The following NRXN1 variants were observed in gnomAD, a reference collection of about 807,000 sequenced individuals.
The protein encoded by NRXN1 is neurexin 1.
Under a neutral mutation model 150.9 loss-of-function variants are expected in NRXN1, and 39 were observed. The ratio of observed to expected loss-of-function variants is 0.26; its 90% confidence interval spans 0.20 to 0.34. The LOEUF is 0.34. Among genes scored for constraint, NRXN1 ranks in the 10% least tolerant of loss-of-function variants. The pLI is 1.00. For missense variants in NRXN1, 1,815 were observed against 1,949.9 expected (o/e 0.93, Z 1.30); for synonymous variants, 924 against 757.0 (o/e 1.22, Z -3.62).
chr2:50,586,241 C>T (rs562989484), intron 8 of NRXN1, among the ~76,000 whole-genome samples: 5 of 152,282 alleles, frequency 3.3e-5, no homozygotes. Flanking sequence ...CTCATACCTT[C>T]TTCAAGTTTT....
intron 17 of NRXN1, among the ~76,000 whole-genome samples, chr2:50,426,384 AG>A (rs1187820094): frequency 2.6e-5 from 4 of 152,174 alleles, no homozygotes; most frequent in African/African-American, 9.7e-5. Context: ...TCCTCAGAGG[AG>A]GACAATCTTT....
At chr2:51,005,925 A>C (rs905429493) in intron 2 of NRXN1, among the ~76,000 whole-genome samples, 2 of 151,804 alleles carry the variant, frequency 1.3e-5, no homozygotes, top group Non-Finnish European at 2.9e-5. Flanking sequence ...ACATAGACTG[A>C]AAGTGAAGAG....
At chr2:50,192,610 T>G (rs112620819) in intron 18 of NRXN1, among the ~76,000 whole-genome samples, 10,488 of 119,084 alleles carry the variant, frequency 0.088, 1,026 homozygotes, top group African/African-American at 0.27. Context: ...TACTTTTTTT[T>G]GGGGGGGGCG....
At chr2:50,733,774 A>G (rs948999213) in intron 5 of NRXN1, among the ~76,000 whole-genome samples, 1 of 152,174 alleles carries the variant, frequency 6.6e-6, no homozygotes, top group Non-Finnish European at 1.5e-5. Flanking sequence ...TCAATTTTCA[A>G]AAAGTTTACT....
At chr2:50,283,761 T>A (rs1204500997) in intron 17 of NRXN1, among the ~76,000 whole-genome samples, 1 of 152,190 alleles carries the variant, frequency 6.6e-6, no homozygotes, top group African/African-American at 2.4e-5. Context: ...AACACCTATA[T>A]TTTCTGACTA....
At chr2:50,562,308 G>A (rs1263052206) in intron 8 of NRXN1, among the ~76,000 whole-genome samples, 1 of 147,454 alleles carries the variant, frequency 6.8e-6, no homozygotes, top group Non-Finnish European at 1.5e-5. Flanking sequence ...AGATAGATTA[G>A]ACAAATATAT....
chr2:50,840,755 C>T (rs192026159), intron 5 of NRXN1, among the ~76,000 whole-genome samples: 7 of 152,280 alleles, frequency 4.6e-5, no homozygotes, highest in Admixed American at 2.0e-4. Context: ...AAATGATCCA[C>T]TCTATAGAAA....
At chr2:50,564,072 T>A (rs1669507044) in intron 8 of NRXN1, among the ~76,000 whole-genome samples, 1 of 152,244 alleles carries the variant, frequency 6.6e-6, no homozygotes, top group Non-Finnish European at 1.5e-5. Flanking sequence ...GTTATAAGAT[T>A]TATATTTACA....
At chr2:50,148,483 A>G (rs2058498260) in intron 18 of NRXN1, among the ~76,000 whole-genome samples, 1 of 151,676 alleles carries the variant, frequency 6.6e-6, no homozygotes, top group Non-Finnish European at 1.5e-5. Context: ...TAATTTCTCC[A>G]ATAAACAAAT....
At chr2:50,999,192 T>A (rs1699717323) in intron 2 of NRXN1, among the ~76,000 whole-genome samples, 1 of 152,056 alleles carries the variant, frequency 6.6e-6, no homozygotes, top group Non-Finnish European at 1.5e-5. Flanking sequence ...AGATACCTCT[T>A]TAGCTAGATA....
At chr2:50,083,489 C>A (rs929272519) in intron 19 of NRXN1, among the ~76,000 whole-genome samples, 1 of 152,150 alleles carries the variant, frequency 6.6e-6, no homozygotes, top group South Asian at 2.1e-4. Flanking sequence ...CGGACCCTAG[C>A]GCTGAGTGTT....
chr2:50,602,676 T>C (rs1676471241), intron 8 of NRXN1, among the ~76,000 whole-genome samples: 1 of 152,148 alleles, frequency 6.6e-6, no homozygotes, highest in African/African-American at 2.4e-5. Flanking sequence ...ATGGCTCAGA[T>C]ACACTTTCTA....
chr2:50,991,397 G>A (rs900987939), intron 2 of NRXN1, among the ~76,000 whole-genome samples: 1 of 151,668 alleles, frequency 6.6e-6, no homozygotes, highest in Non-Finnish European at 1.5e-5. Context: ...CATCAAAATG[G>A]ATGCTTGTGA....
intron 8 of NRXN1, among the ~76,000 whole-genome samples, chr2:50,604,624 G>T (rs1676802289): frequency 6.6e-6 from 1 of 151,768 alleles, no homozygotes; most frequent in South Asian, 2.1e-4. Flanking sequence ...TGTTTACTTG[G>T]TGACATACTA....
rs924414976 is a variant in NRXN1, at chr2:50,279,191, C to T, written c.3365-42221G>A. Among the ~76,000 whole-genome samples the T allele has an allele frequency of 8.5e-5, 13 of 152,272 alleles. 1 individual carries two copies. The highest frequency in any genetic ancestry group is 6.2e-4 in the South Asian group (3 of 4,832). ...TGTACCTTTTCCACCAAATGACCCA[C>T]CAGTTGCTTATCAGCTGATACAGTT... On this transcript the variant is annotated intron_variant, in intron 17 of 22. Coordinates refer to ENST00000401669, the MANE Select transcript of NRXN1 (RefSeq NM_001330078.2).
intron 5 of NRXN1, among the ~76,000 whole-genome samples, chr2:50,788,584 T>C (rs987897564): frequency 6.6e-6 from 1 of 151,812 alleles, no homozygotes; most frequent in Admixed American, 6.6e-5. Flanking sequence ...AATGTGTGCA[T>C]GTGCGTGTGA....
intron 8 of NRXN1, among the ~76,000 whole-genome samples, chr2:50,600,754 C>T (rs573256911): frequency 6.6e-6 from 1 of 152,100 alleles, no homozygotes; most frequent in Non-Finnish European, 1.5e-5. Context: ...TCTCCAAAAC[C>T]AGTTGAAGAA....
At chr2:49,929,674 A>G (rs1306975655) in intron 22 of NRXN1, among the ~76,000 whole-genome samples, 1 of 152,164 alleles carries the variant, frequency 6.6e-6, no homozygotes, top group Non-Finnish European at 1.5e-5. Context: ...TGCCTGTTTA[A>G]ATAGTACTTA....
At position 50,346,978 on chromosome 2, in the gene NRXN1, C is replaced by T. The variant is rs937861949; in HGVS notation, c.3365-110008G>A. On this transcript the variant is annotated intron_variant, in intron 17 of 22. Coordinates refer to ENST00000401669, the MANE Select transcript of NRXN1 (RefSeq NM_001330078.2). This position sits in a 1 kb window ranked among gnomAD's most constrained non-coding sequence, Gnocchi z 5.0. ...GGGGCGCCCGCCGAGGGGCAGCCGCCGCGGGAGGCAAAGTTTGGGGCGCGG... is the reference window on the plus strand; with the variant it reads ...GGGGCGCCCGCCGAGGGGCAGCCGCTGCGGGAGGCAAAGTTTGGGGCGCGG... The T allele has an allele frequency of 4.4e-6, 6 of 1,362,308 alleles. No individual in the cohort carries two copies. The highest frequency in any genetic ancestry group is 1.6e-5 in the African/African-American group (1 of 63,904). The allele number at this position is 1,362,308 out of a possible 1,614,324, so 84.4% of individuals were successfully genotyped here. A position where few individuals can be genotyped will look rare whatever the true frequency, so the allele number is the denominator to read the frequency against.
Sources: gnomAD v4.1 joint callset for allele counts (sites outside exome capture counted in the v4.1 genomes callset) on GRCh38, gnomAD v4.1.1 for gene constraint, Gnocchi (gnomAD v3.1) non-coding constraint, MANE v1.5 for transcripts, NCBI Gene and HGNC (gene_info 2026-07-23, HGNC 2026-07-21) for gene names.